The following DGKG variants were observed in gnomAD, a reference collection of about 807,000 sequenced individuals.
DGKG encodes the protein diacylglycerol kinase gamma.
In DGKG, 78 loss-of-function variants were observed where a neutral mutation model predicts 105.3. The observed-to-expected ratio is 0.74, with a 90% CI of 0.62 to 0.89. The LOEUF (loss-of-function observed/expected upper bound fraction) is 0.89. DGKG is among the 40% of genes least tolerant of loss of function. The pLI, the probability that DGKG is intolerant of heterozygous loss-of-function variation, is 0.00. For missense variants in DGKG, 958 were observed against 1,020.1 expected, an observed-to-expected ratio of 0.94 and a Z score of 0.83; for synonymous variants, 346 against 367.1, an observed-to-expected ratio of 0.94 and a Z score of 0.66.
At chr3:186,298,638 T>G (rs1209103111) in intron 3 of DGKG, among the ~76,000 whole-genome samples, 2 of 152,192 alleles carry the variant, frequency 1.3e-5, no homozygotes. Context: ...AGGGACAAGA[T>G]CTGTGCCCTA....
chr3:186,274,608 A>G (rs886437809), intron 10 of DGKG, among the ~76,000 whole-genome samples: 15 of 140,056 alleles, frequency 1.1e-4, no homozygotes, highest in African/African-American at 3.8e-4. Flanking sequence ...TCATTGTCCA[A>G]TTCCCACCTA....
At chr3:186,221,759 G>A (rs1312094916) in intron 20 of DGKG, among the ~76,000 whole-genome samples, 1 of 152,184 alleles carries the variant, frequency 6.6e-6, no homozygotes, top group African/African-American at 2.4e-5. Context: ...GCCTCTCGCT[G>A]TGGAAGGTGA....
At chr3:186,296,089 A>G (rs1272844881) in intron 5 of DGKG, among the ~76,000 whole-genome samples, 4 of 147,786 alleles carry the variant, frequency 2.7e-5, no homozygotes, top group African/African-American at 1.0e-4. Flanking sequence ...AGCCTGGGGG[A>G]CAGAGCAAGA....
chr3:186,303,813 A>G (rs1222736878), intron 3 of DGKG, among the ~76,000 whole-genome samples: 1 of 152,178 alleles, frequency 6.6e-6, no homozygotes, highest in East Asian at 1.9e-4. Context: ...CACTCTGCAA[A>G]GTTTTATTCC....
In DGKG at chr3:186,279,859, C is replaced by T. The variant is rs756568730; in HGVS notation, c.784G>A (p.Asp262Asn). 1.5e-5 allele frequency: 24 copies of T among 1,613,388 alleles called. No individual in the cohort carries two copies. The Admixed American group carries it at 2.2e-4, about 15-fold the overall frequency. The stretch of plus-strand genomic sequence containing the variant: ...CCAGCTTGTTGACTTACAGAGTCAT[C>T]CATCCCCAGGAGGACCAGCAATGGG... Reference protein sequence around the residue: ...TIPLLVLLGMDDSGSKGDGRH... With the variant: ...TIPLLVLLGMNDSGSKGDGRH... The change falls in exon 9 of 25, where the codon GAT becomes AAT. Residue 262 changes from aspartate to asparagine, a missense_variant. Coordinates refer to ENST00000265022, the MANE Select transcript of DGKG (RefSeq NM_001346.3).
intron 22 of DGKG, among the ~76,000 whole-genome samples, chr3:186,169,161 A>T (rs1316803086): frequency 2.6e-5 from 4 of 152,152 alleles, no homozygotes; most frequent in Non-Finnish European, 4.4e-5. Context: ...ATATGATGAA[A>T]TTTTTTTGCT....
chr3:186,280,605 T>A (rs951259414), intron 8 of DGKG, 65 bp downstream of exon 8: 1 of 1,300,818 alleles, frequency 7.7e-7, no homozygotes, highest in African/African-American at 1.5e-5. Context: ...ATTCATGTCT[T>A]GAGTGTGTCC....
chr3:186,229,757 T>C lies in DGKG; in HGVS notation c.1826+12747A>G, dbSNP rs114027526. Among the ~76,000 whole-genome samples the C allele has an allele frequency of 3.5e-3, 537 of 152,308 alleles. 6 individuals are homozygous for C. The highest frequency in any genetic ancestry group is 0.024 in the Middle Eastern group (7 of 294). ...AGACCTAGCATGATGCTAACACAAA[T>C]AGATGCTCAACTCATTTTGGCTGAA... On this transcript the variant is annotated intron_variant, in intron 20 of 24. Coordinates refer to ENST00000265022, the MANE Select transcript of DGKG (RefSeq NM_001346.3).
At chr3:186,279,494 A>G (rs1722734084) in intron 9 of DGKG, 1 of 161,966 alleles carries the variant, frequency 6.2e-6, no homozygotes, top group Non-Finnish European at 1.3e-5. Context: ...TTCCTTCCCC[A>G]ATTCTCTTAG....
chr3:186,274,854 G>A (rs1218323790), intron 10 of DGKG, among the ~76,000 whole-genome samples: 1 of 152,132 alleles, frequency 6.6e-6, no homozygotes, highest in Non-Finnish European at 1.5e-5. Context: ...ACATACGTGT[G>A]CATGTGTCTT....
In DGKG at chr3:186,288,885, G is replaced by C. The variant is rs375099081; in HGVS notation, c.374-5C>G. 3.2e-6 allele frequency: 5 copies of C among 1,546,470 alleles called. No homozygotes were observed. The African/African-American group carries it at 7.0e-5, about 22-fold the overall frequency. On this transcript the variant is annotated splice_region_variant and splice_polypyrimidine_tract_variant and intron_variant, in intron 5 of 24. Coordinates refer to ENST00000265022, the MANE Select transcript of DGKG (RefSeq NM_001346.3). ...GCTTCTCAGCCATATTTGATTCTGC[G>C]ATGAACAAAAGGAAAACATCCAAGG...
intron 1 of DGKG, among the ~76,000 whole-genome samples, chr3:186,328,315 G>C (rs1725442856): frequency 6.6e-6 from 1 of 152,138 alleles, no homozygotes. Flanking sequence ...CACCCAAACA[G>C]CTATTAATAA....
intron 1 of DGKG, among the ~76,000 whole-genome samples, chr3:186,351,197 T>C (rs1284176601): frequency 6.6e-6 from 1 of 152,202 alleles, no homozygotes; most frequent in Non-Finnish European, 1.5e-5. Flanking sequence ...TTATGGAATG[T>C]TTTCAGAACG....
chr3:186,207,568 C>T (rs771719319), intron 21 of DGKG: 250 of 838,054 alleles, frequency 3.0e-4, no homozygotes, highest in Non-Finnish European at 3.5e-4. Context: ...AACTTCAATC[C>T]TAATAATGGC....
At chr3:186,292,716 C>A (rs143790329) in intron 5 of DGKG, among the ~76,000 whole-genome samples, 1 of 151,942 alleles carries the variant, frequency 6.6e-6, no homozygotes, top group East Asian at 1.9e-4. Flanking sequence ...ATCACTTGAA[C>A]GCGGGAGGCA....
intron 10 of DGKG, among the ~76,000 whole-genome samples, chr3:186,272,596 A>G (rs1722369577): frequency 6.6e-6 from 1 of 152,210 alleles, no homozygotes; most frequent in South Asian, 2.1e-4. Context: ...CAATGAACAC[A>G]GCAGGAGCAC....
At chr3:186,313,460 G>A in intron 2 of DGKG, 1 of 974,194 alleles carries the variant, frequency 1.0e-6, no homozygotes, top group South Asian at 4.7e-5. Context: ...TGTATTGCTA[G>A]AACATTTTCT....
chr3:186,166,741 T>G, intron 22 of DGKG, among the ~76,000 whole-genome samples: 2 of 149,498 alleles, frequency 1.3e-5, no homozygotes, highest in South Asian at 2.1e-4. Context: ...GTGAGGGGGT[T>G]TGAGGGTTGA....
In DGKG at chr3:186,147,232, G is replaced by A; in HGVS notation, c.*2858C>T. 3.0e-6 allele frequency: 3 copies of A among 985,976 alleles called. No individual in the cohort carries two copies. Among genetic ancestry groups the A allele is most frequent in the African/African-American group, 3.5e-5 (2 of 57,376 alleles). The allele number at this position is 985,976 out of a possible 1,614,324, so 61.1% of individuals were successfully genotyped here. ...CTTTACAGTTTTTATTGCTGTTGGG[G>A]TAGAAGCATGGGGGGCAGGTGAGAA... is the stretch of plus-strand genomic sequence containing the variant. On this transcript the variant is annotated 3_prime_UTR_variant, in exon 25 of 25. Coordinates refer to ENST00000265022, the MANE Select transcript of DGKG (RefSeq NM_001346.3).
Sources: allele counts gnomAD v4.1 joint callset (sites outside exome capture counted in the v4.1 genomes callset), GRCh38; gene constraint gnomAD v4.1.1; transcripts MANE v1.5; gene names NCBI Gene and HGNC (gene_info 2026-07-23, HGNC 2026-07-21).